Variants in CSNK1G3 observed in about 807,000 individuals in gnomAD.
CSNK1G3 encodes the protein casein kinase 1 gamma 3.
A neutral mutation model predicts 64.3 loss-of-function variants in CSNK1G3; 23 were observed. The observed-to-expected ratio is 0.36, with a 90% confidence interval of 0.26 to 0.51. CSNK1G3 has a LOEUF of 0.51. Ranked by LOEUF, CSNK1G3 falls within the 20% of genes least tolerant of loss-of-function variation. The pLI is 0.96. For missense variants in CSNK1G3, 357 were observed against 510.5 expected (o/e 0.70, Z 2.90); for synonymous variants, 158 against 162.2 (o/e 0.97, Z 0.20).
exon 5 of CSNK1G3, chr5:123,573,394 T>C (rs377031984): frequency 6.2e-7 from 1 of 1,613,618 alleles, no homozygotes. Flanking sequence ...TTCCCCCAGA[T>C]GGTATACCTC....
At chr5:123,598,463 A>G (rs978127415) in intron 10 of CSNK1G3, among the ~76,000 whole-genome samples, 1 of 152,180 alleles carries the variant, frequency 6.6e-6, no homozygotes, top group Non-Finnish European at 1.5e-5. Context: ...TGATACGAAA[A>G]GCACCTAACC....
At chr5:123,532,605 A>G (rs1156577349) in intron 1 of CSNK1G3, among the ~76,000 whole-genome samples, 1 of 151,732 alleles carries the variant, frequency 6.6e-6, no homozygotes, top group Non-Finnish European at 1.5e-5. Flanking sequence ...CATGTTAAGA[A>G]CTCCACAGCT....
chr5:123,527,948 A>G (rs983487852), intron 1 of CSNK1G3, among the ~76,000 whole-genome samples: 2 of 152,190 alleles, frequency 1.3e-5, no homozygotes, highest in Admixed American at 6.5e-5. Context: ...AACCTCAGCT[A>G]TAAAGTGCTG....
At chr5:123,514,326 C>A (rs573901717) in intron 1 of CSNK1G3, among the ~76,000 whole-genome samples, 1 of 152,288 alleles carries the variant, frequency 6.6e-6, no homozygotes, top group East Asian at 1.9e-4. Context: ...ACATTTTCAT[C>A]ATTAGATTTA....
At chr5:123,554,363 G>A (rs369349660) in intron 3 of CSNK1G3, among the ~76,000 whole-genome samples, 1 of 152,160 alleles carries the variant, frequency 6.6e-6, no homozygotes. Context: ...ACAGTAATCA[G>A]TTCACACTAT....
In CSNK1G3 at chr5:123,572,193, A is replaced by G. The variant is rs112076194; in HGVS notation, c.290-1200A>G. 4.2e-3 allele frequency among the ~76,000 whole-genome samples: 646 copies of G among 152,146 alleles called. 4 individuals are homozygous for G. Among genetic ancestry groups the G allele is most frequent in the Middle Eastern group, 6.8e-3 (2 of 294 alleles). ...CTTCTTATCAGGCATATATATATAT[A>G]TGTGTGAGAACCCTCCCTTCATCTC... On this transcript the variant is annotated intron_variant, in intron 4 of 12. Coordinates refer to ENST00000345990, the Ensembl canonical transcript of CSNK1G3.
chr5:123,575,863 A>G (rs965568044), exon 6 of CSNK1G3: 2 of 1,613,722 alleles, frequency 1.2e-6, no homozygotes, highest in Non-Finnish European at 8.5e-7. Flanking sequence ...TGGCAAAGGA[A>G]TATATTGATC....
intron 1 of CSNK1G3, among the ~76,000 whole-genome samples, chr5:123,526,310 C>G (rs1364611373): frequency 1.3e-5 from 2 of 152,146 alleles, no homozygotes; most frequent in Admixed American, 1.3e-4. Flanking sequence ...CTACTCTGGC[C>G]TCCCAAGGTG....
intron 10 of CSNK1G3, among the ~76,000 whole-genome samples, chr5:123,595,887 G>A (rs1220656627): frequency 6.6e-6 from 1 of 151,796 alleles, no homozygotes; most frequent in East Asian, 1.9e-4. Flanking sequence ...TTAAAATATC[G>A]GTTTAAGGTA....
intron 4 of CSNK1G3, among the ~76,000 whole-genome samples, chr5:123,572,763 ACTTCTAGACTAT>A (rs1253890385): frequency 6.6e-6 from 1 of 152,144 alleles, no homozygotes; most frequent in Non-Finnish European, 1.5e-5. Context: ...AATATCTCTG[ACTTCTAGACTAT>A]CTTTTTAAAG....
At chr5:123,515,515 CAG>C (rs1306987707) in intron 1 of CSNK1G3, among the ~76,000 whole-genome samples, 12 of 152,122 alleles carry the variant, frequency 7.9e-5, no homozygotes, top group Admixed American at 2.6e-4. Context: ...TTGATAGTAA[CAG>C]AGGGATGATA....
chr5:123,597,581 C>T (rs767593763), intron 10 of CSNK1G3, among the ~76,000 whole-genome samples: 2 of 152,020 alleles, frequency 1.3e-5, no homozygotes, highest in Non-Finnish European at 2.9e-5. Flanking sequence ...AACCTCTTGC[C>T]ATTTTTGACC....
chr5:123,610,509 G>C (rs1475098712), intron 12 of CSNK1G3, among the ~76,000 whole-genome samples: 2 of 152,082 alleles, frequency 1.3e-5, no homozygotes, highest in African/African-American at 2.4e-5. Context: ...AGAGAAGGAA[G>C]TATATACAAA....
intron 10 of CSNK1G3, among the ~76,000 whole-genome samples, chr5:123,596,189 G>A (rs190044004): frequency 1.3e-5 from 2 of 152,026 alleles, no homozygotes; most frequent in Admixed American, 6.6e-5. Flanking sequence ...ATATAATGGA[G>A]TACTTTTGTA....
At chr5:123,564,911 G>A (rs1410112763) in intron 4 of CSNK1G3, among the ~76,000 whole-genome samples, 1 of 152,016 alleles carries the variant, frequency 6.6e-6, no homozygotes, top group Non-Finnish European at 1.5e-5. Flanking sequence ...TTAAACTTTC[G>A]GGTCTCAGGA....
intron 6 of CSNK1G3, among the ~76,000 whole-genome samples, chr5:123,581,013 T>C (rs996686399): frequency 2.6e-5 from 4 of 151,914 alleles, no homozygotes; most frequent in African/African-American, 9.7e-5. Flanking sequence ...TATCATTCTG[T>C]GGTGTGATTC....
At chr5:123,586,726 C>G (rs191148431) in intron 6 of CSNK1G3, among the ~76,000 whole-genome samples, 52 of 152,238 alleles carry the variant, frequency 3.4e-4, no homozygotes, top group Admixed American at 1.0e-3. Flanking sequence ...AAAACACAAA[C>G]ATAGTATCTT....
chr5:123,532,986 T>C (rs944791871), intron 1 of CSNK1G3, among the ~76,000 whole-genome samples: 1 of 151,904 alleles, frequency 6.6e-6, no homozygotes, highest in Non-Finnish European at 1.5e-5. Context: ...TGATACTATG[T>C]CAAATTTTTG....
At chr5:123,559,001 A>G (rs1238766286) in intron 4 of CSNK1G3, among the ~76,000 whole-genome samples, 2 of 152,140 alleles carry the variant, frequency 1.3e-5, no homozygotes, top group South Asian at 2.1e-4. Flanking sequence ...TTCTTAAGAG[A>G]TTCTGGAGGT....
Sources: allele counts gnomAD v4.1 joint callset (sites outside exome capture counted in the v4.1 genomes callset), GRCh38; gene constraint gnomAD v4.1.1; transcripts MANE v1.5; gene names NCBI Gene and HGNC (gene_info 2026-07-23, HGNC 2026-07-21).